The following SMG5 variants were observed in gnomAD, a reference collection of about 807,000 sequenced individuals.
The protein encoded by SMG5 is SMG5 nonsense mediated mRNA decay factor.
In SMG5, 53 loss-of-function variants were observed where a neutral mutation model predicts 122.9. The ratio of observed to expected loss-of-function variants is 0.43; its 90% CI spans 0.35 to 0.54. The LOEUF (loss-of-function observed/expected upper bound fraction) is 0.54, where lower values mean the gene tolerates loss of function less well. Among genes scored for constraint, SMG5 ranks in the 20% least tolerant of loss-of-function variants. SMG5 has a pLI of 0.01. For missense variants in SMG5, 1,153 were observed against 1,285.6 expected, an observed-to-expected ratio of 0.90 and a Z score of 1.58; for synonymous variants, 477 against 490.2, an observed-to-expected ratio of 0.97 and a Z score of 0.35.
At chr1:156,276,365 G>A (rs1662687680) in intron 4 of SMG5, among the ~76,000 whole-genome samples, 1 of 151,594 alleles carries the variant, frequency 6.6e-6, no homozygotes, top group South Asian at 2.1e-4. Context: ...GACCTCAGGT[G>A]ATCCACCTGC....
At chr1:156,287,568 G>A (rs1663203321), upstream of SMG5, among the ~76,000 whole-genome samples, 1 of 150,930 alleles carries the variant, frequency 6.6e-6, no homozygotes, top group Non-Finnish European at 1.5e-5. Context: ...TACAAACCAA[G>A]GATGTGTGAG....
intron 18 of SMG5, 66 bp from the exon 19 acceptor site, chr1:156,252,570 G>A: frequency 3.3e-6 from 5 of 1,516,118 alleles, no homozygotes; most frequent in Non-Finnish European, 3.7e-6. Context: ...GGGCTCTGGA[G>A]GAAGTATCTG....
upstream of SMG5, chr1:156,285,209 C>A: frequency 6.6e-7 from 1 of 1,523,020 alleles, no homozygotes; most frequent in South Asian, 1.3e-5. Context: ...TGGTAGATCC[C>A]AGAACTGAGG....
intron 15 of SMG5, among the ~76,000 whole-genome samples, chr1:156,260,233 A>C (rs1288568571): frequency 6.6e-6 from 1 of 152,242 alleles, no homozygotes; most frequent in Non-Finnish European, 1.5e-5. Flanking sequence ...ACAATAGTAG[A>C]AACTACCAAT....
At position 156,263,508 on chromosome 1, in the gene SMG5, G is replaced by A. The variant is rs757650512; in HGVS notation, c.1918C>T (p.Arg640Cys). ...ESSGRSCRNE[R>C]SIQEKLQVLM... Reference sequence around the variant, plus strand: ...ACCTGAAGCTTCTCCTGGATGCTGCGCTCATTCCGACAGGAGCGTCCACTG... The same window carrying A: ...ACCTGAAGCTTCTCCTGGATGCTGCACTCATTCCGACAGGAGCGTCCACTG... Residue 640 changes from arginine (R) to cysteine (C), a missense_variant, in exon 13 of 22, where the codon CGC becomes TGC. Around this residue, in one of 5 missense-constraint regions of SMG5, gnomAD observed 631 missense variants for 650.6 expected, o/e 0.97. Coordinates refer to ENST00000361813, the MANE Select transcript of SMG5 (RefSeq NM_015327.3). The A allele has an allele frequency of 2.8e-4, 444 of 1,614,118 alleles. No homozygotes were observed. The highest frequency in any genetic ancestry group is 3.6e-4 in the Non-Finnish European group (420 of 1,180,054).
intron 7 of SMG5, among the ~76,000 whole-genome samples, chr1:156,270,834 C>G (rs975671805): frequency 8.6e-5 from 13 of 152,020 alleles, no homozygotes; most frequent in Non-Finnish European, 1.9e-4. Flanking sequence ...ATGGAGAAAC[C>G]CGGTCTCTAC....
chr1:156,271,105 A>G (rs1662396011), intron 7 of SMG5, among the ~76,000 whole-genome samples: 1 of 152,230 alleles, frequency 6.6e-6, no homozygotes, highest in Non-Finnish European at 1.5e-5. Flanking sequence ...ATAGGTATAG[A>G]AGGCCAGCCT....
intron 7 of SMG5, among the ~76,000 whole-genome samples, chr1:156,272,101 G>A (rs560089215): frequency 2.6e-5 from 4 of 152,272 alleles, no homozygotes; most frequent in African/African-American, 9.6e-5. Context: ...GCATAAGACA[G>A]TAAATAGCTA....
At chr1:156,258,919 C>A in intron 16 of SMG5, 86 bp downstream of exon 16, 1 of 1,534,470 alleles carries the variant, frequency 6.5e-7, no homozygotes. Flanking sequence ...CAGGTGGAGA[C>A]CACCAGAGGG....
upstream of SMG5, chr1:156,285,828 T>A (rs754067224): frequency 1.9e-6 from 3 of 1,613,646 alleles, no homozygotes; most frequent in East Asian, 6.7e-5. Flanking sequence ...CTAAGGGCTG[T>A]GGCCTCCGTG....
At chr1:156,286,190 C>G, upstream of SMG5, 2 of 1,514,350 alleles carry the variant, frequency 1.3e-6, no homozygotes, top group South Asian at 2.4e-5. Context: ...TGAATCTGCC[C>G]CCAGCTTACT....
At chr1:156,258,657 G>T (rs1160608107) in intron 16 of SMG5, among the ~76,000 whole-genome samples, 1 of 152,182 alleles carries the variant, frequency 6.6e-6, no homozygotes, top group Admixed American at 6.5e-5. Flanking sequence ...TTAGCTGGGC[G>T]TGGTGGCGTG....
chr1:156,266,194 T>C lies in SMG5; in HGVS notation c.1442A>G (p.Asp481Gly), dbSNP rs1416545894. 2 of 1,614,064 alleles carry C rather than the reference T, an allele frequency of 1.2e-6. No individual in the cohort carries two copies. Among genetic ancestry groups the C allele is most frequent in the African/African-American group, 2.7e-5 (2 of 74,928 alleles). The change falls in exon 12 of 22, where the codon GAC (aspartate) becomes GGC (glycine). Residue 481 changes from aspartate to glycine, a missense_variant. Asp to Gly is a moderately conservative substitution (Grantham distance 94, BLOSUM62 -1). This residue lies in a region of SMG5 where 631 missense variants were observed against 650.6 expected (regional missense o/e 0.97). Transcript: ENST00000361813. ...DSDLSEGFES[D>G]SSHDSARASE... ...GGCCCGGGCTGAGTCATGGCTTGAG[T>C]CCGATTCAAAGCCTTCACTCAGGTC...
intron 1 of SMG5, among the ~76,000 whole-genome samples, chr1:156,279,807 A>T (rs978611905): frequency 6.6e-6 from 1 of 152,196 alleles, no homozygotes; most frequent in African/African-American, 2.4e-5. Context: ...CAAGATTCTG[A>T]TAAGCCTAGA....
At chr1:156,289,533 A>C in the SMG5 span, among the ~76,000 whole-genome samples, 1 of 152,190 alleles carries the variant, frequency 6.6e-6, no homozygotes, top group Non-Finnish European at 1.5e-5. Context: ...AATGGCGTGA[A>C]CCTGGGAGGC....
chr1:156,275,223 C>T (rs908402985), intron 4 of SMG5, among the ~76,000 whole-genome samples: 5 of 151,818 alleles, frequency 3.3e-5, no homozygotes, highest in African/African-American at 1.2e-4. Flanking sequence ...AAGGCAGATG[C>T]TCCTAGTGGA....
chr1:156,256,067 T>C (rs1255574435), intron 16 of SMG5, among the ~76,000 whole-genome samples: 2 of 152,122 alleles, frequency 1.3e-5, no homozygotes, highest in African/African-American at 4.8e-5. Flanking sequence ...TAAGGATACA[T>C]GACAGTCAAA....
Position 156,263,608 on chromosome 1 carries a change from T to A in SMG5, c.1856-38A>T, listed in dbSNP as rs772661274. ...TGAATGGAAGAGAAAAAAACTGGGA[T>A]AAACAACTGACACTTGGGAACAGGC... On this transcript the variant is annotated intron_variant, in intron 12 of 21. Transcript: ENST00000361813. 4 of 1,600,198 alleles carry A rather than the reference T, an allele frequency of 2.5e-6. No homozygotes were observed. The South Asian group carries it at 4.5e-5, about 18-fold the overall frequency.
At chr1:156,264,430 C>T (rs1662020412) in intron 12 of SMG5, among the ~76,000 whole-genome samples, 1 of 152,142 alleles carries the variant, frequency 6.6e-6, no homozygotes, top group Non-Finnish European at 1.5e-5. Flanking sequence ...ATGTGCCAGA[C>T]ACTGTGTTAG....
Sources: allele counts gnomAD v4.1 joint callset (sites outside exome capture counted in the v4.1 genomes callset), GRCh38; gene constraint gnomAD v4.1.1; regional missense constraint gnomAD v4.1.1; transcripts MANE v1.5; gene names NCBI Gene and HGNC (gene_info 2026-07-23, HGNC 2026-07-21).